The following DYNC1I1 variants were observed in gnomAD, a reference collection of about 807,000 sequenced individuals.
The protein encoded by DYNC1I1 is cytoplasmic dynein 1 intermediate chain 1.
In DYNC1I1, 43 loss-of-function variants were observed where a neutral mutation model predicts 86.6. The ratio of observed to expected loss-of-function variants is 0.50; its 90% confidence interval spans 0.39 to 0.64. DYNC1I1 has a LOEUF of 0.64. DYNC1I1 is among the 30% of genes least tolerant of loss of function. The pLI is 0.00. For missense variants in DYNC1I1, 604 were observed against 788.8 expected (o/e 0.77, Z 2.81); for synonymous variants, 262 against 283.7 (o/e 0.92, Z 0.77).
At chr7:95,866,254 A>T (rs1263370556) in intron 5 of DYNC1I1, among the ~76,000 whole-genome samples, 1 of 152,152 alleles carries the variant, frequency 6.6e-6, no homozygotes, top group African/African-American at 2.4e-5. Context: ...TAATCCTTTC[A>T]TTATGTCCTA....
At position 95,897,110 on chromosome 7, in the gene DYNC1I1, CT is replaced by C. The variant is rs1790901333; in HGVS notation, c.490+27115del. The stretch of plus-strand genomic sequence containing the variant: ...ATGGAATTTTAGGAAAAAGGGAAGC[CT>C]TTAATTGGGTGAGGAAAAGTAGAAA... On this transcript the variant is annotated intron_variant, in intron 6 of 16. Coordinates refer to ENST00000447467, the MANE Select transcript of DYNC1I1 (RefSeq NM_001135556.2). 2.0e-5 allele frequency among the ~76,000 whole-genome samples: 3 copies of C among 152,082 alleles called. No homozygotes were observed. The South Asian group carries it at 6.2e-4, about 32-fold the overall frequency.
intron 6 of DYNC1I1, among the ~76,000 whole-genome samples, chr7:95,922,292 G>A (rs1187885666): frequency 6.6e-6 from 1 of 151,840 alleles, no homozygotes. Context: ...TATTTCAAAC[G>A]TTACTCTAGA....
At chr7:95,829,985 C>T (rs1002384770) in intron 5 of DYNC1I1, among the ~76,000 whole-genome samples, 6 of 152,068 alleles carry the variant, frequency 3.9e-5, no homozygotes, top group African/African-American at 9.7e-5. Context: ...AGGTTAAATG[C>T]CATCTGCCTG....
chr7:96,063,597 G>A (rs565722987), intron 14 of DYNC1I1, among the ~76,000 whole-genome samples: 13 of 151,872 alleles, frequency 8.6e-5, no homozygotes, highest in Non-Finnish European at 1.6e-4. Flanking sequence ...CTTTGTACAC[G>A]TTTGTGTCCT....
At chr7:95,829,660 A>G (rs1018874012) in intron 5 of DYNC1I1, among the ~76,000 whole-genome samples, 3 of 152,100 alleles carry the variant, frequency 2.0e-5, no homozygotes, top group Non-Finnish European at 4.4e-5. Context: ...TTTCCCATTT[A>G]TATCTGTTTT....
chr7:95,931,423 A>G (rs1418342706), intron 6 of DYNC1I1, among the ~76,000 whole-genome samples: 1 of 152,224 alleles, frequency 6.6e-6, no homozygotes, highest in Non-Finnish European at 1.5e-5. Context: ...TGCTGGGATT[A>G]CAGGCGTGAG....
chr7:95,806,666 C>T (rs1481020186), intron 2 of DYNC1I1, among the ~76,000 whole-genome samples: 1 of 152,216 alleles, frequency 6.6e-6, no homozygotes, highest in Non-Finnish European at 1.5e-5. Flanking sequence ...GAGTCCGAGT[C>T]TTCCATCCTC....
intron 14 of DYNC1I1, among the ~76,000 whole-genome samples, chr7:96,074,107 T>C (rs1261164290): frequency 1.3e-5 from 2 of 152,196 alleles, no homozygotes; most frequent in Non-Finnish European, 2.9e-5. Flanking sequence ...AAGGCTAATG[T>C]CCAGTTGATC....
At chr7:96,104,914 A>G (rs993062407) in intron 16 of DYNC1I1, among the ~76,000 whole-genome samples, 1 of 152,098 alleles carries the variant, frequency 6.6e-6, no homozygotes, top group Non-Finnish European at 1.5e-5. Flanking sequence ...AAAAAAACAT[A>G]CTGCTTGGAT....
intron 16 of DYNC1I1, among the ~76,000 whole-genome samples, chr7:96,084,474 C>CTTTTTTTTTTTTTTTTT (rs1790620003): frequency 8.9e-6 from 1 of 112,764 alleles, no homozygotes; most frequent in African/African-American, 3.3e-5. Flanking sequence ...CGGAGTTTTG[C>CTTTTTTTTTTTTTTTTT]TCTTGCCCAG....
In DYNC1I1 at chr7:95,903,641, A is replaced by G. The variant is rs749340287; in HGVS notation, c.490+33643A>G. Among the ~76,000 whole-genome samples, 3 of 152,198 alleles carry G rather than the reference A, an allele frequency of 2.0e-5. No individual in the cohort carries two copies. In the East Asian group the frequency reaches 5.8e-4, roughly 29 times the overall value. ...ATGATATCATTTTATTAGCACCACA[A>G]TTCATAGTTTATTGAATGCTTCCAT... On this transcript the variant is annotated intron_variant, in intron 6 of 16. Coordinates refer to ENST00000447467, the MANE Select transcript of DYNC1I1 (RefSeq NM_001135556.2).
At chr7:95,929,482 C>G (rs1241505649) in intron 6 of DYNC1I1, among the ~76,000 whole-genome samples, 1 of 152,098 alleles carries the variant, frequency 6.6e-6, no homozygotes, top group East Asian at 1.9e-4. Context: ...CTTCATAGAG[C>G]CTGGAAAGTA....
intron 15 of DYNC1I1, among the ~76,000 whole-genome samples, chr7:96,079,744 A>C (rs1044159078): frequency 6.6e-6 from 1 of 152,186 alleles, no homozygotes; most frequent in Non-Finnish European, 1.5e-5. Flanking sequence ...GTACTGCCAG[A>C]GGGAGGAAGA....
rs1042163746 is a variant in DYNC1I1 at position 96,035,887 on chromosome 7, T to C, written c.1364+135T>C. Reference sequence around the variant, plus strand: ...GGAAAGCACGACTTCAACTCTTCATTATCTTAAAGAGCTGCATCTGCTCTG... The same window carrying C: ...GGAAAGCACGACTTCAACTCTTCATCATCTTAAAGAGCTGCATCTGCTCTG... On this transcript the variant is annotated intron_variant, in intron 13 of 16. Coordinates refer to ENST00000447467, the MANE Select transcript of DYNC1I1 (RefSeq NM_001135556.2). 33 of 1,384,238 alleles carry C rather than the reference T, an allele frequency of 2.4e-5. No homozygotes were observed. In the African/African-American group the frequency reaches 2.8e-4, roughly 12 times the overall value. 85.7% of individuals were successfully genotyped at this position (1,384,238 alleles called of 1,614,324 possible).
At chr7:95,942,288 C>T (rs577911153) in intron 6 of DYNC1I1, among the ~76,000 whole-genome samples, 108 of 152,224 alleles carry the variant, frequency 7.1e-4, no homozygotes, top group African/African-American at 2.4e-3. Context: ...TCGATAAGTT[C>T]CTCGACACAT....
At chr7:96,027,779 C>T (rs767536589) in intron 10 of DYNC1I1, among the ~76,000 whole-genome samples, 2 of 152,120 alleles carry the variant, frequency 1.3e-5, no homozygotes, top group Non-Finnish European at 2.9e-5. Context: ...GCCATGCTCT[C>T]AAAGTAAAGA....
intron 6 of DYNC1I1, among the ~76,000 whole-genome samples, chr7:95,899,282 T>C (rs899215737): frequency 6.6e-6 from 1 of 152,180 alleles, no homozygotes; most frequent in Non-Finnish European, 1.5e-5. Flanking sequence ...ATAGTAATCT[T>C]GCTCTGCATA....
At chr7:95,846,590 A>T (rs1342996885) in intron 5 of DYNC1I1, among the ~76,000 whole-genome samples, 1 of 150,988 alleles carries the variant, frequency 6.6e-6, no homozygotes, top group East Asian at 1.9e-4. Flanking sequence ...CTTGGAGAAA[A>T]ATACCCATTC....
chr7:96,103,177 A>T (rs1791162192), downstream of DYNC1I1, among the ~76,000 whole-genome samples: 1 of 152,030 alleles, frequency 6.6e-6, no homozygotes, highest in Non-Finnish European at 1.5e-5. Context: ...AGAAGAGGAA[A>T]ACGTTAGAGT....
Sources: gnomAD v4.1 joint callset for allele counts (sites outside exome capture counted in the v4.1 genomes callset) on GRCh38, gnomAD v4.1.1 for gene constraint, MANE v1.5 for transcripts, NCBI Gene and HGNC (gene_info 2026-07-23, HGNC 2026-07-21) for gene names.